DMBT1: variants seen among roughly 807,000 people sequenced by gnomAD.
DMBT1 encodes the protein deleted in malignant brain tumors 1, also known as scavenger receptor cysteine-rich domain-containing protein DMBT1.
DMBT1 carries 198 observed loss-of-function variants against 252.9 expected under a neutral mutation model. The observed-to-expected ratio is 0.78, with a 90% CI of 0.70 to 0.88. The LOEUF is 0.88. Ranked by LOEUF, DMBT1 falls within the 40% of genes least tolerant of loss-of-function variation. The probability of loss-of-function intolerance (pLI) is 0.00; values close to 1 mark genes in which losing one functional copy is unlikely to be tolerated. For missense variants in DMBT1, 2,432 were observed against 2,404.7 expected, an observed-to-expected ratio of 1.01 and a Z score of -0.24; for synonymous variants, 990 against 942.7, an observed-to-expected ratio of 1.05 and a Z score of -0.92.
At chr10:122,560,877 C>T in intron 1 of DMBT1, 46 bp downstream of exon 1, 1 of 1,419,092 alleles carries the variant, frequency 7.0e-7, no homozygotes, top group Non-Finnish European at 9.7e-7. Context: ...TCCTGCAGAC[C>T]CAATCATGGC....
In DMBT1 at chr10:122,630,407, AC is replaced by A. The variant is rs1467307443; in HGVS notation, c.5943del (p.Tyr1981Ter). ...ACCAGGCAAATATTTACATCTTCTTACAACCGAATGACCATTCACTTTCGAA... is the reference window on the plus strand; with the variant it reads ...ACCAGGCAAATATTTACATCTTCTTAAACCGAATGACCATTCACTTTCGAA... ...NDTRQIFTSS[Y>X]NRMTIHFRSD... On this transcript the variant is annotated frameshift_variant, in exon 48 of 56. Coordinates refer to ENST00000338354, the MANE Select transcript of DMBT1 (RefSeq NM_001377530.1). LOFTEE classifies it high-confidence loss of function. 2 of 1,613,898 alleles carry A rather than the reference AC, an allele frequency of 1.2e-6. No homozygotes were observed. Among genetic ancestry groups the A allele is most frequent in the Non-Finnish European group, 1.7e-6 (2 of 1,179,906 alleles).
rs771113538 is a variant in DMBT1 at position 122,640,234 on chromosome 10, T to C, written c.7137T>C (p.Tyr2379=). The C allele has an allele frequency of 2.5e-6, 4 of 1,614,056 alleles. No individual in the cohort carries two copies. The highest frequency in any genetic ancestry group is 2.2e-5 in the South Asian group (2 of 91,086). The change falls in exon 55 of 56, where the codon TAT becomes TAC. Residue 2379 remains tyrosine, a synonymous_variant. Coordinates refer to ENST00000338354, the MANE Select transcript of DMBT1 (RefSeq NM_001377530.1). ...CCATCCAGGTCGAGGAAGTCCAGTA[T>C]GGCAATTTTGACGTGAACATTTCCT... ...NNTIQVEEVQ[Y]GNFDVNISFY...
intron 7 of DMBT1, 28 bp from the exon 8 acceptor site, chr10:122,577,783 G>A: frequency 6.2e-7 from 1 of 1,613,492 alleles, no homozygotes; most frequent in Non-Finnish European, 8.5e-7. Context: ...AGTGTTTGGT[G>A]TCTAATGTTG....
At chr10:122,567,021 G>A (rs889739829) in intron 2 of DMBT1, among the ~76,000 whole-genome samples, 2 of 152,242 alleles carry the variant, frequency 1.3e-5, no homozygotes, top group African/African-American at 2.4e-5. Flanking sequence ...CAGTGAGAAT[G>A]TGCAGAGAAC....
In DMBT1 at chr10:122,643,473, G is replaced by A; in HGVS notation, c.*75G>A. The A allele has an allele frequency of 6.6e-7, 1 of 1,512,618 alleles. No homozygotes were observed. Among genetic ancestry groups the A allele is most frequent in the African/African-American group, 1.4e-5 (1 of 72,216 alleles). 93.7% of individuals were successfully genotyped at this position (1,512,618 alleles called of 1,614,324 possible). On this transcript the variant is annotated 3_prime_UTR_variant, in exon 56 of 56. Coordinates refer to ENST00000338354, the MANE Select transcript of DMBT1 (RefSeq NM_001377530.1). ...GGGGACTTGGGATGTTCCTCTTGGT[G>A]TCATATTCCAACTCAGATTGAGCCC...
rs868608942 is a variant in DMBT1, at chr10:122,572,262, C to T, written c.188-52C>T. The T allele has an allele frequency of 2.5e-6, 4 of 1,609,698 alleles. No individual in the cohort carries two copies. In the Middle Eastern group the frequency reaches 5.0e-4, roughly 200 times the overall value. ...GACCTGAGGAAGCCATGGACCAACC[C>T]TCTTCAAGCAAGGGCTACCATCAAT... is the stretch of plus-strand genomic sequence containing the variant. On this transcript the variant is annotated intron_variant, in intron 4 of 55. Transcript: ENST00000338354.
rs747972203 is a variant in DMBT1, at chr10:122,631,254, C to G, written c.6319C>G (p.Arg2107Gly). Residue 2107 changes from arginine to glycine, a missense_variant, in exon 49 of 56, where the codon CGT (arginine) becomes GGT (glycine). By Grantham distance (125) the Arg-to-Gly change is moderately radical. This residue lies in a region of DMBT1 where 1,162 missense variants were observed against 1,169.0 expected (regional missense o/e 0.99). Transcript: ENST00000338354. ...CTGGTTCTCCCACAACTGTAATCATCGTGAAGATGCTGGTGTCATCTGCTC... is the reference window on the plus strand; with the variant it reads ...CTGGTTCTCCCACAACTGTAATCATGGTGAAGATGCTGGTGTCATCTGCTC... ...RGWFSHNCNH[R>G]EDAGVICSGN... 1 of 1,613,986 alleles carries G rather than the reference C, an allele frequency of 6.2e-7. No homozygotes were observed. Among genetic ancestry groups the G allele is most frequent in the South Asian group, 1.1e-5 (1 of 91,076 alleles).
rs754408433 is a variant in DMBT1 at position 122,586,224 on chromosome 10, T to C, written c.1624T>C (p.Leu542=). Residue 542 remains leucine, a synonymous_variant, in exon 16 of 56, where the codon TTG becomes CTG. Transcript: ENST00000338354. ...GCAGCTGGGCTGTGGCTGGGCCATG[T>C]TGGCCCCAGGAAATGCCCGGTTTGG... The part of the protein sequence containing the change: ...CRQLGCGWAM[L]APGNARFGQG... 1 of 1,588,952 alleles carries C rather than the reference T, an allele frequency of 6.3e-7. No individual in the cohort carries two copies. The highest frequency in any genetic ancestry group is 8.6e-7 in the Non-Finnish European group (1 of 1,166,002).
chr10:122,573,075 T>A (rs902710082), intron 5 of DMBT1, among the ~76,000 whole-genome samples: 9 of 152,160 alleles, frequency 5.9e-5, no homozygotes, highest in African/African-American at 2.2e-4. Context: ...AAGGACACTG[T>A]CCCATGGCGT....
Position 122,586,465 on chromosome 10 carries a change from T to G in DMBT1, c.1783+82T>G. 2 of 1,532,434 alleles carry G rather than the reference T, an allele frequency of 1.3e-6. 1 individual carries two copies. The highest frequency in any genetic ancestry group is 4.7e-5 in the East Asian group (2 of 42,280). The allele number at this position is 1,532,434 out of a possible 1,614,324, so 94.9% of individuals were successfully genotyped here. On this transcript the variant is annotated intron_variant, in intron 16 of 55. Transcript: ENST00000338354. ...TTTATTATGTTCTAATCTCCTCACT[T>G]AGAGCTTTTTCAACTTTTCCTATAT...
At chr10:122,571,484 G>A (rs1034972591) in intron 4 of DMBT1, among the ~76,000 whole-genome samples, 15 of 152,180 alleles carry the variant, frequency 9.9e-5, no homozygotes, top group African/African-American at 2.9e-4. Flanking sequence ...AAATTGAGGA[G>A]CGAACCAAGG....
intron 2 of DMBT1, among the ~76,000 whole-genome samples, chr10:122,568,485 T>C (rs917149683): frequency 6.6e-6 from 1 of 151,938 alleles, no homozygotes; most frequent in African/African-American, 2.4e-5. Context: ...GGGAGAAAGA[T>C]TGTAAATAAG....
intron 16 of DMBT1, among the ~76,000 whole-genome samples, chr10:122,586,728 G>T (rs941177712): frequency 2.7e-5 from 4 of 148,550 alleles, no homozygotes; most frequent in African/African-American, 9.7e-5. Flanking sequence ...GTTGATTTGG[G>T]TCTTGGGTCT....
In DMBT1 at chr10:122,598,760, G is replaced by A; in HGVS notation, c.2957-14G>A. 1.2e-6 allele frequency: 2 copies of A among 1,612,738 alleles called. No homozygotes were observed. Among genetic ancestry groups the A allele is most frequent in the Non-Finnish European group, 1.7e-6 (2 of 1,179,714 alleles). On this transcript the variant is annotated splice_polypyrimidine_tract_variant and intron_variant, in intron 25 of 55. Transcript: ENST00000338354. Reference sequence around the variant, plus strand: ...TGATAGGGATGGATGAAGGATTCTTGTGTTCCCCTGTAGGATCTGAATCCA... The same window carrying A: ...TGATAGGGATGGATGAAGGATTCTTATGTTCCCCTGTAGGATCTGAATCCA...
At chr10:122,631,336 G>A in intron 49 of DMBT1, 55 bp downstream of exon 49, 1 of 1,589,698 alleles carries the variant, frequency 6.3e-7, no homozygotes, top group Non-Finnish European at 8.6e-7. Context: ...TATAAAGCAA[G>A]AGCTTAAGGC....
intron 15 of DMBT1, among the ~76,000 whole-genome samples, chr10:122,585,655 G>A (rs531002327): frequency 6.7e-6 from 1 of 148,582 alleles, no homozygotes; most frequent in Non-Finnish European, 1.5e-5. Flanking sequence ...GTGAAAGTGA[G>A]TGTCCCCACA....
chr10:122,578,572 G>T (rs748778663), intron 8 of DMBT1, 146 bp from the exon 9 acceptor site: 2 of 699,488 alleles, frequency 2.9e-6, no homozygotes, highest in Admixed American at 2.1e-5. Context: ...CTGGGCAGGA[G>T]ACCTGGGCAG....
At position 122,576,277 on chromosome 10, in the gene DMBT1, C is replaced by A; in HGVS notation, c.284-122C>A. The A allele has an allele frequency of 2.8e-6, 4 of 1,411,000 alleles. 1 individual carries two copies. The South Asian group carries it at 4.2e-5, about 15-fold the overall frequency. The allele number at this position is 1,411,000 out of a possible 1,614,324, so 87.4% of individuals were successfully genotyped here. ...TCTAACCTTAAGGCCTGTTAAAGCC[C>A]AGCCCAATTAGAGATTCTCTCAAAG... On this transcript the variant is annotated intron_variant, in intron 6 of 55. Coordinates refer to ENST00000338354, the MANE Select transcript of DMBT1 (RefSeq NM_001377530.1).
chr10:122,624,799 G>C (rs1039925034), intron 44 of DMBT1, among the ~76,000 whole-genome samples: 3 of 152,192 alleles, frequency 2.0e-5, no homozygotes, highest in Admixed American at 1.3e-4. Flanking sequence ...ACAATGGCTG[G>C]CTCTCCCACA....
Sources: gnomAD v4.1 joint callset for allele counts (sites outside exome capture counted in the v4.1 genomes callset) on GRCh38, gnomAD v4.1.1 for gene constraint, gnomAD v4.1.1 regional missense constraint, MANE v1.5 for transcripts, NCBI Gene and HGNC (gene_info 2026-07-23, HGNC 2026-07-21) for gene names.